The following SH3PXD2A variants were observed in gnomAD, a reference collection of about 807,000 sequenced individuals.
SH3PXD2A encodes SH3 and PX domain-containing protein 2A.
Under a neutral mutation model 115.2 loss-of-function variants are expected in SH3PXD2A, and 32 were observed. The observed-to-expected ratio is 0.28, with a 90% CI of 0.21 to 0.37. The LOEUF is 0.37. Among genes scored for constraint, SH3PXD2A ranks in the 10% least tolerant of loss-of-function variants. SH3PXD2A has a pLI of 1.00. For synonymous variants in SH3PXD2A, 610 were observed against 629.1 expected, an observed-to-expected ratio of 0.97 and a Z score of 0.45; for missense variants, 1,328 against 1,498.7, an observed-to-expected ratio of 0.89 and a Z score of 1.88.
intron 6 of SH3PXD2A, chr10:103,673,507 T>C (rs1353420984): frequency 6.6e-6 from 1 of 152,130 alleles, no homozygotes; most frequent in African/African-American, 2.4e-5. Flanking sequence ...GAGGCTGCAG[T>C]GAGGCATGAT....
chr10:103,686,046 G>T (rs1306809667), intron 6 of SH3PXD2A, among the ~76,000 whole-genome samples: 1 of 152,186 alleles, frequency 6.6e-6, no homozygotes, highest in Non-Finnish European at 1.5e-5. Flanking sequence ...CTGCTTCTCT[G>T]CAGTGAAACT....
In SH3PXD2A at chr10:103,784,790, A is replaced by C. The variant is rs1564888457; in HGVS notation, c.153+16492T>G. 6.9e-6 allele frequency among the ~76,000 whole-genome samples: 1 copy of C among 145,540 alleles called. No individual in the cohort carries two copies. The highest frequency in any genetic ancestry group is 1.5e-5 in the Non-Finnish European group (1 of 66,658). On this transcript the variant is annotated intron_variant, in intron 2 of 14. Coordinates refer to ENST00000369774, the MANE Select transcript of SH3PXD2A (RefSeq NM_001394015.1). This position sits in a 1 kb window ranked among gnomAD's most constrained non-coding sequence, Gnocchi z 4.4. ...AGGAAGGAAGGGGAGAAGGGGGAAAAGGAGAAGGGAGTGGGGAGGATGTGG... is the reference window on the plus strand; with the variant it reads ...AGGAAGGAAGGGGAGAAGGGGGAAACGGAGAAGGGAGTGGGGAGGATGTGG...
chr10:103,594,776 T>C lies in SH3PXD2A; in HGVS notation c.*7040A>G, dbSNP rs2036110571. ...AACGCAAAATGGTAGGGTATATCCA[T>C]GGATGAATGTTCATCACACCCAGTC... On this transcript the variant is annotated 3_prime_UTR_variant, in exon 15 of 15. Coordinates refer to ENST00000369774, the MANE Select transcript of SH3PXD2A (RefSeq NM_001394015.1). 1 of 152,230 alleles carries C rather than the reference T, an allele frequency of 6.6e-6. No homozygotes were observed. The highest frequency in any genetic ancestry group is 1.5e-5 in the Non-Finnish European group (1 of 68,038). The allele number at this position is 152,230 out of a possible 1,614,324, so 9.4% of individuals were successfully genotyped here.
intron 1 of SH3PXD2A, among the ~76,000 whole-genome samples, chr10:103,806,024 G>A (rs1443786521): frequency 1.3e-5 from 2 of 152,224 alleles, no homozygotes; most frequent in Non-Finnish European, 2.9e-5. Context: ...CTAGGATACA[G>A]CCACACTTCC....
rs1004526274 is a variant in SH3PXD2A at position 103,597,875 on chromosome 10, A to T, written c.*3941T>A. The T allele has an allele frequency of 6.6e-6, 1 of 152,594 alleles. No homozygotes were observed. The highest frequency in any genetic ancestry group is 2.4e-5 in the African/African-American group (1 of 41,454). The allele number at this position is 152,594 out of a possible 1,614,324, so 9.5% of individuals were successfully genotyped here. On this transcript the variant is annotated 3_prime_UTR_variant, in exon 15 of 15. Coordinates refer to ENST00000369774, the MANE Select transcript of SH3PXD2A (RefSeq NM_001394015.1). ...TTAGTTAAATACAATAACAGGAAAA[A>T]TAGGGGTTATTTTATCTTTTTCCCC...
At chr10:103,639,587 C>T (rs1366257482) in intron 8 of SH3PXD2A, among the ~76,000 whole-genome samples, 11 of 131,896 alleles carry the variant, frequency 8.3e-5, no homozygotes, top group African/African-American at 5.8e-5. Context: ...TCCAGCCTGG[C>T]GACAGAGCGA....
At chr10:103,668,089 A>G (rs1175260109) in intron 7 of SH3PXD2A, among the ~76,000 whole-genome samples, 3 of 152,166 alleles carry the variant, frequency 2.0e-5, no homozygotes, top group African/African-American at 4.8e-5. Context: ...GCAGCTCCCC[A>G]GTGAGATCAC....
At chr10:103,789,982 C>A (rs2039019043) in intron 2 of SH3PXD2A, among the ~76,000 whole-genome samples, 1 of 152,112 alleles carries the variant, frequency 6.6e-6, no homozygotes, top group African/African-American at 2.4e-5. Flanking sequence ...AGCAGCTGAG[C>A]CTGGGAGGGA....
chr10:103,683,035 G>C (rs1261898764), intron 6 of SH3PXD2A, among the ~76,000 whole-genome samples: 2 of 152,104 alleles, frequency 1.3e-5, no homozygotes, highest in Admixed American at 6.6e-5. Flanking sequence ...CTGCCGGGAT[G>C]ATGGGCCCCT....
At chr10:103,702,295 T>G (rs1283335092) in intron 5 of SH3PXD2A, among the ~76,000 whole-genome samples, 1 of 152,252 alleles carries the variant, frequency 6.6e-6, no homozygotes, top group Non-Finnish European at 1.5e-5. Flanking sequence ...TTTTTCATTT[T>G]TTTGTCCATC....
intron 8 of SH3PXD2A, among the ~76,000 whole-genome samples, chr10:103,651,222 C>G (rs2037116069): frequency 6.6e-6 from 1 of 152,166 alleles, no homozygotes; most frequent in African/African-American, 2.4e-5. Context: ...CTACACACCT[C>G]ACACCCTTGG....
intron 3 of SH3PXD2A, among the ~76,000 whole-genome samples, chr10:103,765,914 G>A (rs1398622489): frequency 6.6e-6 from 1 of 152,204 alleles, no homozygotes. Flanking sequence ...GAGGCCAGGG[G>A]CCGAGAGTCC....
chr10:103,624,572 T>A (rs1395548911), intron 9 of SH3PXD2A, among the ~76,000 whole-genome samples: 1 of 152,194 alleles, frequency 6.6e-6, no homozygotes, highest in Non-Finnish European at 1.5e-5. Context: ...AAGAGCAGCA[T>A]GAACATACAT....
chr10:103,682,781 C>A (rs2037628069), intron 6 of SH3PXD2A, among the ~76,000 whole-genome samples: 1 of 151,080 alleles, frequency 6.6e-6, no homozygotes, highest in African/African-American at 2.4e-5. Flanking sequence ...CAAAACAAAC[C>A]ACGAGCCTGG....
intron 13 of SH3PXD2A, among the ~76,000 whole-genome samples, chr10:103,606,795 T>C (rs1375284929): frequency 2.0e-5 from 3 of 152,212 alleles, no homozygotes; most frequent in Non-Finnish European, 4.4e-5. Flanking sequence ...GTTCACTCAG[T>C]GCTCAATGGT....
chr10:103,744,642 C>A (rs2038480753), intron 3 of SH3PXD2A, among the ~76,000 whole-genome samples: 1 of 152,216 alleles, frequency 6.6e-6, no homozygotes, highest in African/African-American at 2.4e-5. Context: ...ATCCTTCCTT[C>A]TTCACTTGCA....
chr10:103,639,608 T>TA lies in SH3PXD2A; in HGVS notation c.605-12407dup, dbSNP rs67918508. Among the ~76,000 whole-genome samples, 346 of 85,636 alleles carry TA rather than the reference T, an allele frequency of 4.0e-3. 4 individuals are homozygous for TA. The highest frequency in any genetic ancestry group is 5.7e-3 in the African/African-American group (124 of 21,908). 56.2% of individuals were successfully genotyped at this position (85,636 alleles called of 152,430 possible). ...CTGGCGACAGAGCGAGACTCCGTCT[T>TA]AAAAAAAAAAAAAAAAAAGAAAAAG... is the stretch of plus-strand genomic sequence containing the variant. On this transcript the variant is annotated intron_variant, in intron 8 of 14. Transcript: ENST00000369774.
chr10:103,723,198 C>T lies in SH3PXD2A; in HGVS notation c.398+1072G>A, dbSNP rs552682953. Reference sequence around the variant, plus strand: ...GCCCAGAGGGTTCCTGTGTCCTACTCTCTCCTTTCCCTCTGTAGTAGCCAC... The same window carrying T: ...GCCCAGAGGGTTCCTGTGTCCTACTTTCTCCTTTCCCTCTGTAGTAGCCAC... On this transcript the variant is annotated intron_variant, in intron 5 of 14. Coordinates refer to ENST00000369774, the MANE Select transcript of SH3PXD2A (RefSeq NM_001394015.1). 3.3e-5 allele frequency among the ~76,000 whole-genome samples: 5 copies of T among 152,306 alleles called. No individual in the cohort carries two copies. The East Asian group carries it at 7.7e-4, about 24-fold the overall frequency.
Position 103,810,821 on chromosome 10 carries a change from T to TACACACAAC in SH3PXD2A, c.73-9468_73-9460dup, listed in dbSNP as rs949199134. ...GAAGTAGGGCACAGGGACACAGACA[T>TACACACAAC]ACACACAACACACACAACACACACA... On this transcript the variant is annotated intron_variant, in intron 1 of 14. Coordinates refer to ENST00000369774, the MANE Select transcript of SH3PXD2A (RefSeq NM_001394015.1). Among the ~76,000 whole-genome samples the TACACACAAC allele has an allele frequency of 8.3e-5, 11 of 132,524 alleles. No individual in the cohort carries two copies. The South Asian group carries it at 2.8e-3, about 34-fold the overall frequency. The allele number at this position is 132,524 out of a possible 152,430, so 86.9% of individuals were successfully genotyped here.
Sources: allele counts gnomAD v4.1 joint callset (sites outside exome capture counted in the v4.1 genomes callset), GRCh38; gene constraint gnomAD v4.1.1; non-coding constraint Gnocchi (gnomAD v3.1); transcripts MANE v1.5; gene names NCBI Gene and HGNC (gene_info 2026-07-23, HGNC 2026-07-21).